Variants in DSCAM observed in about 807,000 individuals in gnomAD.
The protein encoded by DSCAM is DS cell adhesion molecule, also known as cell adhesion molecule DSCAM.
DSCAM carries 47 observed loss-of-function variants against 217.7 expected under a neutral mutation model. The ratio of observed to expected loss-of-function variants is 0.22; its 90% confidence interval spans 0.17 to 0.28. The LOEUF is 0.28. DSCAM is among the 10% of genes least tolerant of loss of function. DSCAM has a pLI of 1.00. For missense variants in DSCAM, 2,080 were observed against 2,618.3 expected, an observed-to-expected ratio of 0.79 and a Z score of 4.49; for synonymous variants, 1,056 against 1,015.3, an observed-to-expected ratio of 1.04 and a Z score of -0.76.
At chr21:40,401,560 T>G (rs887922893) in intron 3 of DSCAM, among the ~76,000 whole-genome samples, 1 of 152,210 alleles carries the variant, frequency 6.6e-6, no homozygotes, top group African/African-American at 2.4e-5. Flanking sequence ...ATCTCAATAT[T>G]ATCTTGAAAG....
intron 1 of DSCAM, among the ~76,000 whole-genome samples, chr21:40,752,653 C>T (rs575222233): frequency 6.6e-6 from 1 of 152,270 alleles, no homozygotes; most frequent in South Asian, 2.1e-4. Context: ...CATCACTGTA[C>T]TCCAGCCTGG....
chr21:40,421,892 C>T (rs1305006458), intron 3 of DSCAM, among the ~76,000 whole-genome samples: 1 of 152,204 alleles, frequency 6.6e-6, no homozygotes, highest in African/African-American at 2.4e-5. Flanking sequence ...TCTACAGAGC[C>T]AACCTTGAGA....
intron 32 of DSCAM, among the ~76,000 whole-genome samples, chr21:40,039,126 C>A (rs757416339): frequency 6.6e-6 from 1 of 151,712 alleles, no homozygotes; most frequent in Non-Finnish European, 1.5e-5. Context: ...ATGTAACTAA[C>A]CTGCACAATA....
intron 11 of DSCAM, among the ~76,000 whole-genome samples, chr21:40,264,942 A>C (rs1193646575): frequency 7.3e-6 from 1 of 137,882 alleles, no homozygotes; most frequent in African/African-American, 3.0e-5. Flanking sequence ...CTCACGCCTG[A>C]CTTTGGGAGG....
rs532365838 is a variant in DSCAM, at chr21:40,443,101, C to T, written c.509-73856G>A. Among the ~76,000 whole-genome samples the T allele has an allele frequency of 5.9e-5, 9 of 152,274 alleles. 1 individual carries two copies. The South Asian group carries it at 6.2e-4, about 11-fold the overall frequency. ...TTGCTCTCACACCTGTGGATCATAT[C>T]GTGTTGATAAAAATCTATATTAGTG... On this transcript the variant is annotated intron_variant, in intron 3 of 32. Transcript: ENST00000400454.
chr21:40,605,143 C>A (rs2089215348), intron 3 of DSCAM, among the ~76,000 whole-genome samples: 1 of 152,156 alleles, frequency 6.6e-6, no homozygotes, highest in Admixed American at 6.5e-5. Context: ...GCTGTAGGGG[C>A]TCCTAGGAAA....
At chr21:40,381,021 C>T (rs1389051186) in intron 3 of DSCAM, among the ~76,000 whole-genome samples, 1 of 135,042 alleles carries the variant, frequency 7.4e-6, no homozygotes, top group African/African-American at 2.8e-5. Context: ...CGAGATCGTG[C>T]CACTGCACTC....
intron 20 of DSCAM, among the ~76,000 whole-genome samples, chr21:40,102,371 G>C (rs918061510): frequency 6.6e-6 from 1 of 152,202 alleles, no homozygotes. Flanking sequence ...ACCCAAGCCA[G>C]AGCGTTCACA....
At chr21:40,231,029 A>G (rs1278256251) in intron 11 of DSCAM, among the ~76,000 whole-genome samples, 1 of 149,556 alleles carries the variant, frequency 6.7e-6, no homozygotes, top group Non-Finnish European at 1.5e-5. Context: ...TTTTTTCACA[A>G]CTTAGATCAT....
intron 3 of DSCAM, among the ~76,000 whole-genome samples, chr21:40,691,511 CAACT>C (rs1488604040): frequency 6.6e-6 from 1 of 152,182 alleles, no homozygotes; most frequent in Non-Finnish European, 1.5e-5. Flanking sequence ...GCCATTAAGA[CAACT>C]AACATGACCC....
Position 40,013,166 on chromosome 21 carries a change from G to A in DSCAM, c.5907C>T (p.Ala1969=). The part of the protein sequence containing the change: ...EGQSWQPGAV[A]TLPQREGAEL... ...CTGCTCCCTCCCGCTGAGGTAATGTGGCCACGGCCCCCGGCTGCCACGACT... is the reference window on the plus strand; with the variant it reads ...CTGCTCCCTCCCGCTGAGGTAATGTAGCCACGGCCCCCGGCTGCCACGACT... The change falls in exon 33 of 33, where the codon GCC becomes GCT. Residue 1969 remains alanine, a synonymous_variant. Transcript: ENST00000400454. 1 of 1,613,690 alleles carries A rather than the reference G, an allele frequency of 6.2e-7. No individual in the cohort carries two copies. Among genetic ancestry groups the A allele is most frequent in the Non-Finnish European group, 8.5e-7 (1 of 1,179,806 alleles).
At chr21:40,087,658 A>T (rs1006279012) in intron 21 of DSCAM, among the ~76,000 whole-genome samples, 2 of 152,238 alleles carry the variant, frequency 1.3e-5, no homozygotes, top group African/African-American at 4.8e-5. Context: ...ATATACTTTA[A>T]TATCAGAGAA....
intron 17 of DSCAM, among the ~76,000 whole-genome samples, chr21:40,143,303 G>A (rs558186809): frequency 2.0e-5 from 3 of 152,174 alleles, no homozygotes; most frequent in African/African-American, 4.8e-5. Context: ...TTGGCGCTGG[G>A]GCGGTGCAAA....
intron 11 of DSCAM, among the ~76,000 whole-genome samples, chr21:40,189,470 T>C (rs1036272360): frequency 2.0e-5 from 3 of 152,170 alleles, no homozygotes; most frequent in African/African-American, 7.2e-5. Context: ...CCACGGCACG[T>C]TGCTCTTCCA....
intron 1 of DSCAM, among the ~76,000 whole-genome samples, chr21:40,763,992 C>G (rs1569024835): frequency 6.6e-6 from 1 of 152,092 alleles, no homozygotes; most frequent in Non-Finnish European, 1.5e-5. Context: ...CATAAAAACC[C>G]TAAAAGAAAA....
At chr21:40,378,443 CT>C (rs2074984933) in intron 3 of DSCAM, among the ~76,000 whole-genome samples, 1 of 151,840 alleles carries the variant, frequency 6.6e-6, no homozygotes, top group Non-Finnish European at 1.5e-5. Flanking sequence ...GACTTGCATA[CT>C]TTTCAATCCC....
At chr21:40,298,476 A>C (rs2073980303) in intron 9 of DSCAM, among the ~76,000 whole-genome samples, 1 of 152,206 alleles carries the variant, frequency 6.6e-6, no homozygotes, top group Non-Finnish European at 1.5e-5. Context: ...AGTGATAAGC[A>C]ATGTTACTTC....
chr21:40,610,721 T>C (rs1056776946), intron 3 of DSCAM, among the ~76,000 whole-genome samples: 1 of 152,194 alleles, frequency 6.6e-6, no homozygotes, highest in Non-Finnish European at 1.5e-5. Flanking sequence ...CTAATCATGT[T>C]TCCCTAAGTG....
intron 20 of DSCAM, among the ~76,000 whole-genome samples, chr21:40,106,517 AT>A (rs1213870261): frequency 6.6e-6 from 1 of 151,978 alleles, no homozygotes; most frequent in East Asian, 1.9e-4. Flanking sequence ...CCCCTCCTAG[AT>A]TTTTTGGAAT....
Sources: allele counts gnomAD v4.1 joint callset (sites outside exome capture counted in the v4.1 genomes callset), GRCh38; gene constraint gnomAD v4.1.1; transcripts MANE v1.5; gene names NCBI Gene and HGNC (gene_info 2026-07-23, HGNC 2026-07-21).